Variants in PCDHGA8 observed in about 807,000 individuals in gnomAD.
The protein encoded by PCDHGA8 is protocadherin gamma subfamily A, 8, also known as protocadherin gamma-A8.
A neutral mutation model predicts 59.2 loss-of-function variants in PCDHGA8; 45 were observed. The ratio of observed to expected loss-of-function variants is 0.76; its 90% confidence interval spans 0.60 to 0.98. The LOEUF is 0.98. Among genes scored for constraint, PCDHGA8 ranks in the 50% least tolerant of loss-of-function variants. PCDHGA8 has a pLI of 0.00. For synonymous variants in PCDHGA8, 531 were observed against 519.0 expected, an observed-to-expected ratio of 1.02 and a Z score of -0.32; for missense variants, 1,257 against 1,196.2, an observed-to-expected ratio of 1.05 and a Z score of -0.75.
intron 1 of PCDHGA8, chr5:141,399,983 C>T (rs767278001): frequency 7.4e-6 from 12 of 1,612,374 alleles, no homozygotes; most frequent in Non-Finnish European, 1.0e-5. Context: ...GGGCTGCGCA[C>T]AGGAGAGGTG....
At chr5:141,469,896 C>T (rs934040636) in intron 1 of PCDHGA8, among the ~76,000 whole-genome samples, 4 of 152,074 alleles carry the variant, frequency 2.6e-5, no homozygotes, top group Admixed American at 6.5e-5. Context: ...TTTGGGAAGC[C>T]GAGGCAGGCA....
At chr5:141,421,781 G>A (rs1482347889) in intron 1 of PCDHGA8, 1 of 1,613,856 alleles carries the variant, frequency 6.2e-7, no homozygotes, top group Non-Finnish European at 8.5e-7. Context: ...CAACTGCGGG[G>A]CAGAACGGAT....
intron 3 of PCDHGA8, among the ~76,000 whole-genome samples, chr5:141,508,930 T>A (rs2099873149): frequency 6.6e-6 from 1 of 151,836 alleles, no homozygotes; most frequent in African/African-American, 2.4e-5. Context: ...CTTTTGGAGT[T>A]AATTAGGGAA....
At chr5:141,415,688 T>A (rs373105795) in intron 1 of PCDHGA8, 395 of 1,545,880 alleles carry the variant, frequency 2.6e-4, no homozygotes, top group Non-Finnish European at 3.3e-4. Context: ...GGCATGATGG[T>A]GGAAAGTGTA....
intron 1 of PCDHGA8, chr5:141,426,680 T>C (rs1261836011): frequency 2.3e-6 from 1 of 431,334 alleles, no homozygotes; most frequent in East Asian, 7.2e-5. Flanking sequence ...CACCTCATTT[T>C]CCCCAAAATA....
Position 141,409,574 on chromosome 5 carries a change from G to C in PCDHGA8, c.2424+14337G>C, listed in dbSNP as rs752388742. ...CCCAGTTTTCGACCAGACGTCCTACGTGGTCCACGTGGCCGAGAACAACCC... is the reference window on the plus strand; with the variant it reads ...CCCAGTTTTCGACCAGACGTCCTACCTGGTCCACGTGGCCGAGAACAACCC... On this transcript the variant is annotated intron_variant, in intron 1 of 3. Coordinates refer to ENST00000398604, the MANE Select transcript of PCDHGA8 (RefSeq NM_032088.2). 32 of 1,613,902 alleles carry C rather than the reference G, an allele frequency of 2.0e-5. No individual in the cohort carries two copies. In the East Asian group the frequency reaches 6.9e-4, roughly 35 times the overall value.
Position 141,414,833 on chromosome 5 carries a change from G to A in PCDHGA8, c.2424+19596G>A, listed in dbSNP as rs768992312. On this transcript the variant is annotated intron_variant, in intron 1 of 3. Coordinates refer to ENST00000398604, the MANE Select transcript of PCDHGA8 (RefSeq NM_032088.2). ...CCACTCAGCAGCAACGTGTCGTTGAGCCTGTTTGTGCTGGACCAGAACGAC... is the reference window on the plus strand; with the variant it reads ...CCACTCAGCAGCAACGTGTCGTTGAACCTGTTTGTGCTGGACCAGAACGAC... 1.9e-6 allele frequency: 3 copies of A among 1,614,098 alleles called. No homozygotes were observed. In the East Asian group the frequency reaches 6.7e-5, roughly 36 times the overall value.
Position 141,487,401 on chromosome 5 carries a change from T to C in PCDHGA8, c.2425-7406T>C, listed in dbSNP as rs2099644244. The C allele has an allele frequency of 6.2e-7, 1 of 1,614,134 alleles. No individual in the cohort carries two copies. The highest frequency in any genetic ancestry group is 1.3e-5 in the African/African-American group (1 of 75,046). On this transcript the variant is annotated intron_variant, in intron 1 of 3. Transcript: ENST00000398604. This position sits in a 1 kb window ranked among gnomAD's most constrained non-coding sequence, Gnocchi z 5.0. ...ACCAGATCTCGAAGGAGGGAGGGGCTTCCCCCTTCCAATGGGATCCTCCGA... is the reference window on the plus strand; with the variant it reads ...ACCAGATCTCGAAGGAGGGAGGGGCCTCCCCCTTCCAATGGGATCCTCCGA...
chr5:141,440,793 C>T (rs1448130354), intron 1 of PCDHGA8: 1 of 152,124 alleles, frequency 6.6e-6, no homozygotes, highest in Non-Finnish European at 1.5e-5. Context: ...TAGACGGCCC[C>T]CCAACAAAGC....
rs758065876 is a variant in PCDHGA8 at position 141,422,916 on chromosome 5, C to A, written c.2424+27679C>A. 5.6e-6 allele frequency: 9 copies of A among 1,614,260 alleles called. No homozygotes were observed. In the South Asian group the frequency reaches 9.9e-5, roughly 18 times the overall value. ...ACCAGAACGACAATGCGCCCGAGAT[C>A]CTGTACCCTGCCCTCCCCACAGACG... On this transcript the variant is annotated intron_variant, in intron 1 of 3. Coordinates refer to ENST00000398604, the MANE Select transcript of PCDHGA8 (RefSeq NM_032088.2).
chr5:141,470,379 A>G (rs1210709847), intron 1 of PCDHGA8, among the ~76,000 whole-genome samples: 1 of 152,086 alleles, frequency 6.6e-6, no homozygotes, highest in East Asian at 1.9e-4. Flanking sequence ...TGGAAAGACT[A>G]CTCGATGATA....
chr5:141,430,383 G>GAA (rs139772145), intron 1 of PCDHGA8, among the ~76,000 whole-genome samples: 39 of 138,602 alleles, frequency 2.8e-4, no homozygotes, highest in African/African-American at 7.9e-4. Context: ...AGCTCATTGG[G>GAA]AAAAAAAAAA....
intron 1 of PCDHGA8, chr5:141,433,272 C>G (rs1161817377): frequency 8.0e-7 from 1 of 1,252,412 alleles, no homozygotes; most frequent in Non-Finnish European, 1.1e-6. Flanking sequence ...TAGCTCACTG[C>G]AGCCTCAAAC....
chr5:141,493,808 C>T lies in PCDHGA8; in HGVS notation c.2425-999C>T, dbSNP rs2099750260. On this transcript the variant is annotated intron_variant, in intron 1 of 3. Transcript: ENST00000398604. The surrounding 1 kb of genome is among the most constrained non-coding windows in gnomAD (Gnocchi z 4.3). ...CTTCTCCCTGGAGTAATCTGAGATA[C>T]TCACACTCTCTGCTTCTGGGAGCAA... is the stretch of plus-strand genomic sequence containing the variant. 6.6e-6 allele frequency among the ~76,000 whole-genome samples: 1 copy of T among 152,200 alleles called. No individual in the cohort carries two copies. The highest frequency in any genetic ancestry group is 1.5e-5 in the Non-Finnish European group (1 of 68,042).
intron 1 of PCDHGA8, among the ~76,000 whole-genome samples, chr5:141,456,306 G>A (rs937409031): frequency 4.6e-5 from 7 of 152,158 alleles, no homozygotes; most frequent in Admixed American, 2.6e-4. Context: ...GAGAACAGCA[G>A]CTAGGGCTCC....
chr5:141,491,353 T>A lies in PCDHGA8; in HGVS notation c.2425-3454T>A. On this transcript the variant is annotated intron_variant, in intron 1 of 3. Coordinates refer to ENST00000398604, the MANE Select transcript of PCDHGA8 (RefSeq NM_032088.2). This position sits in a 1 kb window ranked among gnomAD's most constrained non-coding sequence, Gnocchi z 6.9. ...GGCTCTAGCGACCGTCAGTCTCTTATCCCTAGTCACCTTCACCTTTCTGTC... is the reference window on the plus strand; with the variant it reads ...GGCTCTAGCGACCGTCAGTCTCTTAACCCTAGTCACCTTCACCTTTCTGTC... The A allele has an allele frequency of 6.2e-7, 1 of 1,614,160 alleles. No homozygotes were observed. Among genetic ancestry groups the A allele is most frequent in the South Asian group, 1.1e-5 (1 of 91,080 alleles).
chr5:141,511,041 C>T lies in PCDHGA8; in HGVS notation c.2667C>T (p.Pro889=), dbSNP rs1421629777. 1.5e-5 allele frequency: 24 copies of T among 1,614,076 alleles called. No individual in the cohort carries two copies. The highest frequency in any genetic ancestry group is 5.5e-5 in the South Asian group (5 of 91,092). Residue 889 remains proline, a synonymous_variant, in exon 4 of 4, where the codon CCC becomes CCT. Transcript: ENST00000398604. The part of the protein sequence containing the change: ...YGPQFTLQHV[P]DYRQNVYIPG... ...CCCAGTTCACCCTGCAGCACGTGCCCGACTACCGCCAGAATGTCTACATCC... is the reference window on the plus strand; with the variant it reads ...CCCAGTTCACCCTGCAGCACGTGCCTGACTACCGCCAGAATGTCTACATCC...
At chr5:141,504,986 AC>A (rs1225847397) in intron 2 of PCDHGA8, among the ~76,000 whole-genome samples, 4 of 151,936 alleles carry the variant, frequency 2.6e-5, no homozygotes, top group Non-Finnish European at 5.9e-5. Context: ...ACATGGTGAA[AC>A]CCCGTCTGTA....
intron 1 of PCDHGA8, chr5:141,421,459 G>T: frequency 6.2e-7 from 1 of 1,614,142 alleles, no homozygotes; most frequent in South Asian, 1.1e-5. Context: ...GCTTTTCGCT[G>T]TGAATCCGCG....
Sources: gnomAD v4.1 joint callset for allele counts (sites outside exome capture counted in the v4.1 genomes callset) on GRCh38, gnomAD v4.1.1 for gene constraint, Gnocchi (gnomAD v3.1) non-coding constraint, MANE v1.5 for transcripts, NCBI Gene and HGNC (gene_info 2026-07-23, HGNC 2026-07-21) for gene names.